Variants in PARD3 observed in about 807,000 individuals in gnomAD.
PARD3 encodes the protein par-3 family cell polarity regulator, also known as partitioning defective 3 homolog.
In PARD3, 75 loss-of-function variants were observed where a neutral mutation model predicts 155.4. That is an observed-to-expected ratio of 0.48 (90% CI 0.40 to 0.58). The LOEUF is 0.58. PARD3 is among the 20% of genes least tolerant of loss of function. The pLI is 0.00. For synonymous variants in PARD3, 576 were observed against 610.5 expected (o/e 0.94, Z 0.83); for missense variants, 1,642 against 1,721.7 (o/e 0.95, Z 0.82).
At chr10:34,571,815 T>C (rs1449492145) in intron 2 of PARD3, among the ~76,000 whole-genome samples, 1 of 152,218 alleles carries the variant, frequency 6.6e-6, no homozygotes, top group East Asian at 1.9e-4. Flanking sequence ...TATTAATATC[T>C]GTACCAATTT....
chr10:34,258,150 A>G (rs143356107), intron 22 of PARD3, among the ~76,000 whole-genome samples: 2,950 of 152,318 alleles, frequency 0.019, 46 homozygotes, highest in Non-Finnish European at 0.029. Context: ...CTGAGGGCTT[A>G]GACTGCATCT....
intron 5 of PARD3, among the ~76,000 whole-genome samples, chr10:34,416,795 A>T (rs558231895): frequency 1.3e-5 from 2 of 151,760 alleles, no homozygotes; most frequent in South Asian, 2.1e-4. Flanking sequence ...AAATACCTTT[A>T]AAAAAGATTG....
chr10:34,617,561 C>A (rs2091341721), intron 2 of PARD3, among the ~76,000 whole-genome samples: 1 of 152,190 alleles, frequency 6.6e-6, no homozygotes, highest in African/African-American at 2.4e-5. Context: ...TTACACATCA[C>A]TTAAATATCA....
At chr10:34,308,244 TG>T (rs1957515505) in intron 20 of PARD3, among the ~76,000 whole-genome samples, 1 of 152,030 alleles carries the variant, frequency 6.6e-6, no homozygotes, top group Non-Finnish European at 1.5e-5. Flanking sequence ...TACTGGGGGT[TG>T]AACAGAGGAG....
chr10:34,282,995 T>TC (rs1353560337), intron 21 of PARD3, among the ~76,000 whole-genome samples: 1 of 152,110 alleles, frequency 6.6e-6, no homozygotes, highest in Non-Finnish European at 1.5e-5. Context: ...CCATATTTTT[T>TC]CCCACATACA....
chr10:34,305,135 G>A (rs752938836), intron 20 of PARD3, among the ~76,000 whole-genome samples: 28 of 152,112 alleles, frequency 1.8e-4, no homozygotes, highest in Non-Finnish European at 3.2e-4. Flanking sequence ...GACTAACATT[G>A]TTAGATAATA....
At chr10:34,322,889 A>G (rs1958463307) in intron 19 of PARD3, among the ~76,000 whole-genome samples, 1 of 152,234 alleles carries the variant, frequency 6.6e-6, no homozygotes, top group Non-Finnish European at 1.5e-5. Context: ...GCAATTTACA[A>G]TTTATATTGA....
chr10:34,686,476 C>T (rs2093955729), intron 2 of PARD3, among the ~76,000 whole-genome samples: 1 of 151,580 alleles, frequency 6.6e-6, no homozygotes, highest in Non-Finnish European at 1.5e-5. Flanking sequence ...TAGCTCACGC[C>T]TATAATCCCA....
chr10:34,218,261 A>G (rs998763721), intron 22 of PARD3, among the ~76,000 whole-genome samples: 1 of 152,204 alleles, frequency 6.6e-6, no homozygotes, highest in Non-Finnish European at 1.5e-5. Context: ...CATTCTTAGT[A>G]TAGGAGTTGG....
intron 21 of PARD3, 100 bp from the exon 22 acceptor site, chr10:34,269,999 T>A: frequency 8.4e-7 from 1 of 1,187,300 alleles, no homozygotes; most frequent in Non-Finnish European, 1.2e-6. Context: ...TATATTTGAT[T>A]TCTTGCAGCT....
chr10:34,592,675 C>G (rs1234071983), intron 2 of PARD3, among the ~76,000 whole-genome samples: 1 of 152,168 alleles, frequency 6.6e-6, no homozygotes, highest in Non-Finnish European at 1.5e-5. Context: ...ACTCCAGAGG[C>G]TAAGGCAGGA....
intron 2 of PARD3, among the ~76,000 whole-genome samples, chr10:34,538,604 C>CG (rs1455174985): frequency 6.6e-6 from 1 of 152,134 alleles, no homozygotes; most frequent in Non-Finnish European, 1.5e-5. Context: ...AGTATGTGCT[C>CG]GGGGGCTGCA....
At chr10:34,336,728 CTAAA>C (rs1402650979) in intron 17 of PARD3, among the ~76,000 whole-genome samples, 4 of 151,924 alleles carry the variant, frequency 2.6e-5, no homozygotes, top group Non-Finnish European at 5.9e-5. Context: ...TCATTTGCTC[CTAAA>C]TACTTTCTAT....
Position 34,791,516 on chromosome 10 carries a change from G to A in PARD3, c.120+23360C>T, listed in dbSNP as rs1490360279. The stretch of plus-strand genomic sequence containing the variant: ...TCCAAAGGATGGCTTCAGCCCTCAC[G>A]AGAAGAGACAAGACGCGGGGACATG... On this transcript the variant is annotated intron_variant, in intron 1 of 24. Coordinates refer to ENST00000374788, the MANE Select transcript of PARD3 (RefSeq NM_001184785.2). Among the ~76,000 whole-genome samples the A allele has an allele frequency of 3.9e-5, 6 of 152,216 alleles. No homozygotes were observed. The South Asian group carries it at 1.0e-3, about 26-fold the overall frequency.
At chr10:34,506,156 A>G (rs934336138) in intron 3 of PARD3, among the ~76,000 whole-genome samples, 1 of 152,110 alleles carries the variant, frequency 6.6e-6, no homozygotes, top group Non-Finnish European at 1.5e-5. Flanking sequence ...GAAAAAAGAA[A>G]TACTGATGAC....
intron 22 of PARD3, among the ~76,000 whole-genome samples, chr10:34,223,527 G>C (rs141488266): frequency 2.0e-5 from 3 of 152,138 alleles, no homozygotes; most frequent in African/African-American, 7.2e-5. Flanking sequence ...AGCTCTTTAC[G>C]TGGGGGAAGG....
chr10:34,318,114 T>C (rs1259491325), intron 19 of PARD3, among the ~76,000 whole-genome samples: 2 of 152,190 alleles, frequency 1.3e-5, no homozygotes, highest in Non-Finnish European at 2.9e-5. Flanking sequence ...TTCCATTCCT[T>C]GAACCAACAC....
intron 22 of PARD3, among the ~76,000 whole-genome samples, chr10:34,157,819 C>G (rs1468396714): frequency 2.6e-5 from 4 of 152,086 alleles, no homozygotes; most frequent in Non-Finnish European, 5.9e-5. Context: ...AAGCATAATA[C>G]TGTTATGGAA....
chr10:34,787,079 T>C (rs1841061074), intron 1 of PARD3, among the ~76,000 whole-genome samples: 1 of 152,164 alleles, frequency 6.6e-6, no homozygotes, highest in African/African-American at 2.4e-5. Flanking sequence ...GAATCTACTA[T>C]ACACCAAGAA....
Sources: gnomAD v4.1 joint callset for allele counts (sites outside exome capture counted in the v4.1 genomes callset) on GRCh38, gnomAD v4.1.1 for gene constraint, MANE v1.5 for transcripts, NCBI Gene and HGNC (gene_info 2026-07-23, HGNC 2026-07-21) for gene names.